ADSS1: variants seen among roughly 807,000 people sequenced by gnomAD.
ADSS1 encodes the protein adenylosuccinate synthase 1.
In ADSS1, 57 loss-of-function variants were observed where a neutral mutation model predicts 59.1. The ratio of observed to expected loss-of-function variants is 0.97; its 90% CI spans 0.78 to 1.20. The LOEUF (loss-of-function observed/expected upper bound fraction) is 1.20, where lower values mean the gene tolerates loss of function less well. Among genes scored for constraint, ADSS1 ranks in the 50% most tolerant of loss-of-function variants. ADSS1 has a pLI of 0.00. For missense variants in ADSS1, 603 were observed against 610.3 expected, an observed-to-expected ratio of 0.99 and a Z score of 0.13; for synonymous variants, 247 against 249.4, an observed-to-expected ratio of 0.99 and a Z score of 0.09.
intron 9 of ADSS1, among the ~76,000 whole-genome samples, chr14:104,742,524 C>G (rs1042216279): frequency 1.3e-5 from 2 of 152,236 alleles, no homozygotes; most frequent in Admixed American, 6.5e-5. Flanking sequence ...CTCAGGAGAC[C>G]CCAGCCTTCC....
Position 104,743,044 on chromosome 14 carries a change from A to G in ADSS1, c.949-23A>G, listed in dbSNP as rs530450361. 3 of 1,612,086 alleles carry G rather than the reference A, an allele frequency of 1.9e-6. No individual in the cohort carries two copies. In the African/African-American group the frequency reaches 4.0e-5, roughly 21 times the overall value. On this transcript the variant is annotated intron_variant, in intron 9 of 12. Transcript: ENST00000330877. ...CAAGGCTCCCACGACAGCTCACATG[A>G]CGTCCTCCCTGTTCTCATGTAGGAG...
intron 2 of ADSS1, chr14:104,737,620 A>G (rs1891181337): frequency 6.6e-6 from 1 of 152,410 alleles, no homozygotes; most frequent in African/African-American, 2.4e-5. Context: ...CATCACCACC[A>G]TCCACCTCCA....
intron 2 of ADSS1, among the ~76,000 whole-genome samples, chr14:104,735,916 C>T (rs1891102913): frequency 6.6e-6 from 1 of 152,220 alleles, no homozygotes; most frequent in South Asian, 2.1e-4. Flanking sequence ...TTGTACTTTC[C>T]CTTCCAGCTG....
Position 104,724,351 on chromosome 14 carries a change from G to C in ADSS1, c.81G>C (p.Ala27=), listed in dbSNP as rs997124765. 8.0e-7 allele frequency: 1 copy of C among 1,244,734 alleles called. No homozygotes were observed. The highest frequency in any genetic ancestry group is 4.2e-5 in the Admixed American group (1 of 23,870). 77.1% of individuals were successfully genotyped at this position (1,244,734 alleles called of 1,614,324 possible). A position where few individuals can be genotyped will look rare whatever the true frequency, so the allele number is the denominator to read the frequency against. The change falls in exon 1 of 13, where the codon GCG becomes GCC. Residue 27 remains alanine, a synonymous_variant. Transcript: ENST00000330877. ...VKRGRLQQEA[A]ATGSRVTVVL... is the part of the protein sequence containing the mutation. The stretch of plus-strand genomic sequence containing the variant: ...GGGGGCGGCTGCAGCAGGAGGCGGC[G>C]GCGACCGGCTCCCGCGTGACGGTGG...
At chr14:104,726,807 G>A (rs1217389710) in intron 1 of ADSS1, among the ~76,000 whole-genome samples, 3 of 152,228 alleles carry the variant, frequency 2.0e-5, no homozygotes, top group East Asian at 1.9e-4. Context: ...GGGCTGGGCC[G>A]CATCTGGGAG....
chr14:104,732,164 G>A (rs765126427), intron 1 of ADSS1, among the ~76,000 whole-genome samples: 1 of 152,204 alleles, frequency 6.6e-6, no homozygotes, highest in Non-Finnish European at 1.5e-5. Flanking sequence ...GCCTTGGCTG[G>A]TGGCTCCCAT....
rs1891436777 is a variant in ADSS1, at chr14:104,743,170, A to C, written c.1052A>C (p.His351Pro). 6.2e-7 allele frequency: 1 copy of C among 1,611,702 alleles called. No homozygotes were observed. Among genetic ancestry groups the C allele is most frequent in the Non-Finnish European group, 8.5e-7 (1 of 1,179,986 alleles). The change falls in exon 10 of 13, where the codon CAC (histidine) becomes CCC (proline). Residue 351 changes from histidine to proline, a missense_variant. Transcript: ENST00000330877. ...WLDLMILRYA[H>P]MVNGFTALAL... ...GACCTGATGATTCTAAGATATGCTC[A>C]CATGGTCAACGGATTCACTGCGTAA... is the stretch of plus-strand genomic sequence containing the variant.
intron 1 of ADSS1, 79 bp downstream of exon 1, chr14:104,724,541 C>T (rs1426881699): frequency 7.3e-6 from 9 of 1,228,284 alleles, no homozygotes; most frequent in Non-Finnish European, 9.1e-6. Context: ...CCTGTCCTCC[C>T]ATGCCCTGGC....
At chr14:104,741,750 G>T in intron 8 of ADSS1, 98 bp from the exon 9 acceptor site, 1 of 1,514,524 alleles carries the variant, frequency 6.6e-7, no homozygotes, top group African/African-American at 1.4e-5. Context: ...CCCACGGTTT[G>T]AACTGCCCAC....
chr14:104,742,076 AGTGCCAGG>A, intron 9 of ADSS1, 74 bp downstream of exon 9: 1 of 1,570,158 alleles, frequency 6.4e-7, no homozygotes, highest in Non-Finnish European at 8.7e-7. Flanking sequence ...TGGGGTGAGC[AGTGCCAGG>A]GTGGAGGCTC....
Position 104,741,242 on chromosome 14 carries a change from C to T in ADSS1, c.792C>T (p.Phe264=), listed in dbSNP as rs530966674. 6.3e-6 allele frequency: 10 copies of T among 1,588,320 alleles called. No homozygotes were observed. The highest frequency in any genetic ancestry group is 2.3e-5 in the South Asian group (2 of 87,348). Residue 264 remains phenylalanine (F), a splice_region_variant and synonymous_variant, in exon 8 of 13, where the codon TTC becomes TTT. Transcript: ENST00000330877. ...GANAALLDID[F]GTYPFVTSSN... ...ACGCCGCCCTCCTCGACATTGACTT[C>T]GGTATGTCCGGGAGGGTGTGCGTGC...
At chr14:104,733,125 A>G (rs936634958) in intron 1 of ADSS1, among the ~76,000 whole-genome samples, 5 of 152,014 alleles carry the variant, frequency 3.3e-5, no homozygotes, top group Admixed American at 6.6e-5. Context: ...AGCTCCCACA[A>G]GGCCTCCAGG....
At chr14:104,734,796 C>T (rs1891055703) in intron 1 of ADSS1, among the ~76,000 whole-genome samples, 2 of 152,324 alleles carry the variant, frequency 1.3e-5, no homozygotes, top group South Asian at 4.1e-4. Flanking sequence ...GGGCCAGACC[C>T]TCCCCGACCC....
intron 2 of ADSS1, 48 bp downstream of exon 2, chr14:104,735,170 G>A: frequency 6.5e-7 from 1 of 1,527,618 alleles, no homozygotes. Flanking sequence ...GGGGGTGTCA[G>A]CCAGCCCAGG....
intron 2 of ADSS1, among the ~76,000 whole-genome samples, chr14:104,736,492 T>C (rs145441033): frequency 6.6e-6 from 1 of 152,332 alleles, no homozygotes; most frequent in African/African-American, 2.4e-5. Context: ...TATTTCAGGA[T>C]GCCGTGGCAT....
chr14:104,741,004 C>T (rs1891327208), intron 7 of ADSS1, 84 bp downstream of exon 7: 4 of 1,606,202 alleles, frequency 2.5e-6, no homozygotes, highest in Admixed American at 3.3e-5. Context: ...GTTGAACACC[C>T]TTGGGGCACA....
At chr14:104,746,091 G>A in intron 11 of ADSS1, 145 bp from the exon 12 acceptor site, 1 of 1,027,714 alleles carries the variant, frequency 9.7e-7, no homozygotes, top group Non-Finnish European at 1.4e-6. Flanking sequence ...AATCAAACTG[G>A]GCCACGTGCC....
At chr14:104,731,261 C>A (rs1020583126) in intron 1 of ADSS1, among the ~76,000 whole-genome samples, 8 of 152,192 alleles carry the variant, frequency 5.3e-5, no homozygotes, top group African/African-American at 1.9e-4. Flanking sequence ...CCTGACCTGG[C>A]AAACAGTGGA....
Position 104,724,246 on chromosome 14 carries a change from A to AGC in ADSS1, c.-22_-21dup. The AGC allele has an allele frequency of 8.2e-7, 1 of 1,223,322 alleles. No homozygotes were observed. The highest frequency in any genetic ancestry group is 1.0e-6 in the Non-Finnish European group (1 of 981,960). 75.8% of individuals were successfully genotyped at this position (1,223,322 alleles called of 1,614,324 possible). A position where few individuals can be genotyped will look rare whatever the true frequency, so the allele number is the denominator to read the frequency against. On this transcript the variant is annotated 5_prime_UTR_variant, in exon 1 of 13. Coordinates refer to ENST00000330877, the MANE Select transcript of ADSS1 (RefSeq NM_152328.5). ...GCGGCGGCGGGCTCCTGGCCGGGCC[A>AGC]GCGCAGCGGAAGAGCCAAGCCAGCA...
Sources: gnomAD v4.1 joint callset for allele counts (sites outside exome capture counted in the v4.1 genomes callset) on GRCh38, gnomAD v4.1.1 for gene constraint, MANE v1.5 for transcripts, NCBI Gene and HGNC (gene_info 2026-07-23, HGNC 2026-07-21) for gene names.